Variants in IL5RA observed in about 807,000 individuals in gnomAD.
The protein encoded by IL5RA is interleukin 5 receptor subunit alpha.
In IL5RA, 49 loss-of-function variants were observed where a neutral mutation model predicts 50.0. The observed-to-expected ratio is 0.98, with a 90% CI of 0.78 to 1.24. The LOEUF is 1.24. IL5RA is among the 50% of genes most tolerant of loss of function. The pLI is 0.00. For synonymous variants in IL5RA, 202 were observed against 174.0 expected (o/e 1.16, Z -1.26); for missense variants, 600 against 500.4 (o/e 1.20, Z -1.90).
At chr3:3,070,634 G>A (rs2125946765) in intron 11 of IL5RA, among the ~76,000 whole-genome samples, 1 of 130,556 alleles carries the variant, frequency 7.7e-6, no homozygotes, top group South Asian at 2.5e-4. Flanking sequence ...CCTGGCTGGA[G>A]TACAGTGGCA....
chr3:3,082,016 C>G (rs1030042699), intron 9 of IL5RA, among the ~76,000 whole-genome samples: 2 of 152,080 alleles, frequency 1.3e-5, no homozygotes, highest in Non-Finnish European at 2.9e-5. Context: ...TTTCACATAC[C>G]TATTGCGAAG....
chr3:3,087,642 G>GGGT (rs1553750352), intron 9 of IL5RA, among the ~76,000 whole-genome samples: 3 of 151,164 alleles, frequency 2.0e-5, no homozygotes, highest in African/African-American at 7.3e-5. Context: ...ATAATGGGGG[G>GGGT]GAAATTAATA....
intron 9 of IL5RA, among the ~76,000 whole-genome samples, chr3:3,088,316 G>C (rs536396577): frequency 2.0e-5 from 3 of 152,304 alleles, no homozygotes; most frequent in Admixed American, 1.3e-4. Flanking sequence ...ATATTTTACA[G>C]GTGAGGATGC....
At position 3,094,222 on chromosome 3, in the gene IL5RA, TTTA is replaced by T. The variant is rs1404758254; in HGVS notation, c.855+1074_855+1076del. 4.6e-5 allele frequency among the ~76,000 whole-genome samples: 7 copies of T among 152,242 alleles called. No individual in the cohort carries two copies. The East Asian group carries it at 1.3e-3, about 29-fold the overall frequency. ...TTGTGTCACCAATGTTCAACACTCT[TTTA>T]ATCTTGCAAAACTGGAACTCTGTAC... On this transcript the variant is annotated intron_variant, in intron 8 of 11. Coordinates refer to ENST00000446632, the MANE Select transcript of IL5RA (RefSeq NM_175726.4).
chr3:3,087,617 T>C lies in IL5RA; in HGVS notation c.994+4607A>G, dbSNP rs59418542. Reference sequence around the variant, plus strand: ...GTCATTTAGTATCTCAGGACCTCCATTTTCTTACATTAAAATAATGGGGGG... The same window carrying C: ...GTCATTTAGTATCTCAGGACCTCCACTTTCTTACATTAAAATAATGGGGGG... On this transcript the variant is annotated intron_variant, in intron 9 of 11. Transcript: ENST00000446632. 3.7e-3 allele frequency among the ~76,000 whole-genome samples: 386 copies of C among 104,748 alleles called. 1 individual carries two copies. The highest frequency in any genetic ancestry group is 0.015 in the Middle Eastern group (3 of 194). The allele number at this position is 104,748 out of a possible 152,430, so 68.7% of individuals were successfully genotyped here.
Position 3,092,002 on chromosome 3 carries a change from T to A in IL5RA, c.994+222A>T, listed in dbSNP as rs1164493903. 1.6e-6 allele frequency: 2 copies of A among 1,262,642 alleles called. No individual in the cohort carries two copies. Among genetic ancestry groups the A allele is most frequent in the Non-Finnish European group, 2.0e-6 (2 of 1,006,098 alleles). 78.2% of individuals were successfully genotyped at this position (1,262,642 alleles called of 1,614,324 possible). ...ACTTGGAAAAAAAACAGGCACCAGG[T>A]CTAGGAGAGTTGGCGCTAATGAGAA... On this transcript the variant is annotated intron_variant, in intron 9 of 11. Coordinates refer to ENST00000446632, the MANE Select transcript of IL5RA (RefSeq NM_175726.4). The surrounding 1 kb of genome is among the most constrained non-coding windows in gnomAD (Gnocchi z 4.2).
chr3:3,084,756 C>G (rs965851045), intron 9 of IL5RA, among the ~76,000 whole-genome samples: 4 of 152,266 alleles, frequency 2.6e-5, no homozygotes, highest in Non-Finnish European at 5.9e-5. Flanking sequence ...CACCTACTAT[C>G]TGTGTAGCTT....
At chr3:3,085,147 A>C (rs1301589417) in intron 9 of IL5RA, among the ~76,000 whole-genome samples, 1 of 152,208 alleles carries the variant, frequency 6.6e-6, no homozygotes, top group Non-Finnish European at 1.5e-5. Flanking sequence ...GCCTGGACAA[A>C]AGGAAGCAGT....
chr3:3,106,997 A>C (rs334783), intron 2 of IL5RA, among the ~76,000 whole-genome samples: 8,152 of 152,248 alleles, frequency 0.054, 393 homozygotes, highest in Admixed American at 0.14. Flanking sequence ...AGATAATTGA[A>C]TATTTTATAT....
chr3:3,077,303 CT>C (rs550001000), intron 9 of IL5RA, among the ~76,000 whole-genome samples: 3 of 152,178 alleles, frequency 2.0e-5, no homozygotes, highest in East Asian at 3.9e-4. Flanking sequence ...CTAGGAACTT[CT>C]TTTTTTTATT....
At chr3:3,074,739 A>T (rs777528348) in intron 11 of IL5RA, 43 bp downstream of exon 11, 1 of 1,196,106 alleles carries the variant, frequency 8.4e-7, no homozygotes, top group Non-Finnish European at 1.2e-6. Context: ...AGGGGACTCA[A>T]CCCTGGACAC....
intron 9 of IL5RA, among the ~76,000 whole-genome samples, chr3:3,081,355 C>T (rs1016771405): frequency 6.6e-6 from 1 of 152,172 alleles, no homozygotes; most frequent in Admixed American, 6.5e-5. Flanking sequence ...GAAACTATTC[C>T]ATGCTCGTAA....
At chr3:3,091,980 T>G in intron 9 of IL5RA, 1 of 1,215,556 alleles carries the variant, frequency 8.2e-7, no homozygotes. Context: ...AAACAAAACT[T>G]GGAAAAAAAA....
intron 9 of IL5RA, among the ~76,000 whole-genome samples, chr3:3,087,347 T>A (rs575467185): frequency 1.3e-5 from 2 of 152,308 alleles, no homozygotes; most frequent in South Asian, 4.1e-4. Flanking sequence ...TGCTGTCCCC[T>A]GTGCTCCTTG....
At chr3:3,077,137 T>C (rs1362721769) in intron 9 of IL5RA, among the ~76,000 whole-genome samples, 1 of 152,220 alleles carries the variant, frequency 6.6e-6, no homozygotes, top group Non-Finnish European at 1.5e-5. Context: ...CTTTTCAATC[T>C]TAAATATCTT....
In IL5RA at chr3:3,102,852, A is replaced by G. The variant is rs780201435; in HGVS notation, c.83-32T>C. On this transcript the variant is annotated intron_variant, in intron 3 of 11. Transcript: ENST00000446632. ...ATTCAAAGAATAAAGAAACAACACA[A>G]TGTTCAACTGGACATAGGCAGCACT... 2.8e-5 allele frequency: 44 copies of G among 1,580,848 alleles called. 1 individual carries two copies. The highest frequency in any genetic ancestry group is 3.4e-4 in the Middle Eastern group (2 of 5,926).
intron 8 of IL5RA, among the ~76,000 whole-genome samples, chr3:3,093,341 G>T (rs555478294): frequency 6.6e-6 from 1 of 152,116 alleles, no homozygotes; most frequent in East Asian, 1.9e-4. Flanking sequence ...TTTATTACTG[G>T]CTTGTGATGG....
chr3:3,073,446 A>C (rs17882434), intron 11 of IL5RA, among the ~76,000 whole-genome samples: 30,505 of 152,174 alleles, frequency 0.2, 3,634 homozygotes, highest in Non-Finnish European at 0.27. Context: ...CTCATTCATT[A>C]GCACATTTTC....
chr3:3,068,758 G>C lies in IL5RA; in HGVS notation c.*1467C>G, dbSNP rs1702205740. 6.6e-6 allele frequency: 1 copy of C among 152,028 alleles called. No homozygotes were observed. Among genetic ancestry groups the C allele is most frequent in the Non-Finnish European group, 1.5e-5 (1 of 68,024 alleles). The allele number at this position is 152,028 out of a possible 1,614,324, so 9.4% of individuals were successfully genotyped here. A position where few individuals can be genotyped will look rare whatever the true frequency, so the allele number is the denominator to read the frequency against. On this transcript the variant is annotated 3_prime_UTR_variant, in exon 12 of 12. Coordinates refer to ENST00000446632, the MANE Select transcript of IL5RA (RefSeq NM_175726.4). ...CCTGACACTCCTCTGCACATTTCTG[G>C]GGTCACTTTTACCTGAGCCTGGTAT...
Sources: allele counts gnomAD v4.1 joint callset (sites outside exome capture counted in the v4.1 genomes callset), GRCh38; gene constraint gnomAD v4.1.1; non-coding constraint Gnocchi (gnomAD v3.1); transcripts MANE v1.5; gene names NCBI Gene and HGNC (gene_info 2026-07-23, HGNC 2026-07-21).